PARD3B: variants seen among roughly 807,000 people sequenced by gnomAD.
PARD3B encodes partitioning defective 3 homolog B.
A neutral mutation model predicts 130.2 loss-of-function variants in PARD3B; 103 were observed. The observed-to-expected ratio is 0.79, with a 90% CI of 0.67 to 0.93. The LOEUF is 0.93. Among genes scored for constraint, PARD3B ranks in the 40% least tolerant of loss-of-function variants. The pLI is 0.00. For missense variants in PARD3B, 1,609 were observed against 1,499.2 expected (o/e 1.07, Z -1.21); for synonymous variants, 583 against 553.2 (o/e 1.05, Z -0.76).
intron 1 of PARD3B, among the ~76,000 whole-genome samples, chr2:204,556,836 T>C (rs1051404404): frequency 6.6e-6 from 1 of 152,210 alleles, no homozygotes; most frequent in African/African-American, 2.4e-5. Context: ...GTAGTATGTC[T>C]GTTAAGGCCT....
chr2:205,076,964 T>C (rs1463831474), intron 4 of PARD3B, among the ~76,000 whole-genome samples: 1 of 152,152 alleles, frequency 6.6e-6, no homozygotes, highest in East Asian at 1.9e-4. Flanking sequence ...GACTGCAGGA[T>C]CATTTTGGAA....
intron 2 of PARD3B, among the ~76,000 whole-genome samples, chr2:204,736,835 C>A (rs2039778312): frequency 6.6e-6 from 1 of 152,180 alleles, no homozygotes; most frequent in South Asian, 2.1e-4. Flanking sequence ...CTACTTTTAT[C>A]TCTTTAAGGA....
intron 19 of PARD3B, among the ~76,000 whole-genome samples, chr2:205,402,780 C>T (rs1288532756): frequency 1.3e-5 from 2 of 152,172 alleles, no homozygotes; most frequent in African/African-American, 4.8e-5. Flanking sequence ...CTATTAGCCT[C>T]CACTTAGGCC....
In PARD3B at chr2:205,121,528, G is replaced by A. The variant is rs1354141296; in HGVS notation, c.807-63G>A. 7.0e-6 allele frequency: 10 copies of A among 1,420,520 alleles called. No homozygotes were observed. Among genetic ancestry groups the A allele is most frequent in the Non-Finnish European group, 8.8e-6 (9 of 1,022,990 alleles). The allele number at this position is 1,420,520 out of a possible 1,614,324, so 88.0% of individuals were successfully genotyped here. A position where few individuals can be genotyped will look rare whatever the true frequency, so the allele number is the denominator to read the frequency against. On this transcript the variant is annotated intron_variant, in intron 7 of 22. Coordinates refer to ENST00000406610, the MANE Select transcript of PARD3B (RefSeq NM_001302769.2). This position sits in a 1 kb window ranked among gnomAD's most constrained non-coding sequence, Gnocchi z 5.0. Reference sequence around the variant, plus strand: ...TGCTCTTGGTTGCCATCCTCCTGGGGTACTTTAGAAGATGCTGCACCTCAA... The same window carrying A: ...TGCTCTTGGTTGCCATCCTCCTGGGATACTTTAGAAGATGCTGCACCTCAA...
chr2:204,834,788 C>A (rs2043968466), intron 2 of PARD3B, among the ~76,000 whole-genome samples: 1 of 152,182 alleles, frequency 6.6e-6, no homozygotes, highest in Non-Finnish European at 1.5e-5. Flanking sequence ...GTTTATTAAA[C>A]CAAAAGTGAT....
intron 2 of PARD3B, among the ~76,000 whole-genome samples, chr2:204,824,304 C>T (rs1009847564): frequency 6.6e-6 from 1 of 152,112 alleles, no homozygotes; most frequent in Admixed American, 6.6e-5. Context: ...ATCTTGGAGC[C>T]TCTGCACAGC....
At chr2:204,686,103 T>C in intron 1 of PARD3B, 78 bp from the exon 2 acceptor site, 1 of 970,816 alleles carries the variant, frequency 1.0e-6, no homozygotes, top group Non-Finnish European at 1.6e-6. Flanking sequence ...ACAAGTTAAC[T>C]TATGTCTCTT....
intron 1 of PARD3B, among the ~76,000 whole-genome samples, chr2:204,608,241 G>T (rs2033798926): frequency 6.6e-6 from 1 of 152,192 alleles, no homozygotes; most frequent in Non-Finnish European, 1.5e-5. Context: ...ACTAAATATT[G>T]TAAGGGGCAA....
At chr2:205,103,779 A>C in intron 4 of PARD3B, 1 of 979,596 alleles carries the variant, frequency 1.0e-6, no homozygotes, top group Non-Finnish European at 1.2e-6. Context: ...GGTAACATCC[A>C]ATACAACTTT....
At chr2:205,002,767 T>C (rs1694950830) in intron 3 of PARD3B, among the ~76,000 whole-genome samples, 1 of 152,192 alleles carries the variant, frequency 6.6e-6, no homozygotes, top group African/African-American at 2.4e-5. Flanking sequence ...CCCCTTTCAT[T>C]CAGAGGAAAA....
chr2:204,648,569 AATATATATT>A (rs1401750252), intron 1 of PARD3B, among the ~76,000 whole-genome samples: 3 of 130,288 alleles, frequency 2.3e-5, no homozygotes, highest in Admixed American at 9.2e-5. Flanking sequence ...TATAAATATA[AATATATATT>A]ATATATTATA....
chr2:204,614,399 G>C (rs1464979271), intron 1 of PARD3B, among the ~76,000 whole-genome samples: 1 of 151,986 alleles, frequency 6.6e-6, no homozygotes, highest in East Asian at 1.9e-4. Flanking sequence ...CAAGGGTTCA[G>C]GGGCCACATG....
At chr2:204,683,048 T>C (rs2036913624) in intron 1 of PARD3B, among the ~76,000 whole-genome samples, 1 of 152,198 alleles carries the variant, frequency 6.6e-6, no homozygotes, top group Non-Finnish European at 1.5e-5. Flanking sequence ...TGCTTTCCTT[T>C]TGCAATTCAT....
At position 204,787,523 on chromosome 2, in the gene PARD3B, C is replaced by T. The variant is rs186500392; in HGVS notation, c.222+101241C>T. 1.6e-4 allele frequency among the ~76,000 whole-genome samples: 24 copies of T among 152,266 alleles called. No homozygotes were observed. In the East Asian group the frequency reaches 3.5e-3, roughly 22 times the overall value. ...TTTTATCTAGTCATACTTGATCTCACCTCTTAGAAAACAGGATTTCTGGAG... is the reference window on the plus strand; with the variant it reads ...TTTTATCTAGTCATACTTGATCTCATCTCTTAGAAAACAGGATTTCTGGAG... On this transcript the variant is annotated intron_variant, in intron 2 of 22. Transcript: ENST00000406610.
chr2:204,568,776 G>A (rs1280426436), intron 1 of PARD3B, among the ~76,000 whole-genome samples: 1 of 152,038 alleles, frequency 6.6e-6, no homozygotes, highest in Non-Finnish European at 1.5e-5. Flanking sequence ...CCAATATGGT[G>A]AAACCCTGTC....
At chr2:204,937,152 C>A (rs1434592524) in intron 2 of PARD3B, among the ~76,000 whole-genome samples, 1 of 152,220 alleles carries the variant, frequency 6.6e-6, no homozygotes, top group Non-Finnish European at 1.5e-5. Context: ...GATGCCAGGA[C>A]CAGGGTAGAG....
At position 204,799,279 on chromosome 2, in the gene PARD3B, C is replaced by T. The variant is rs1380675295; in HGVS notation, c.222+112997C>T. On this transcript the variant is annotated intron_variant, in intron 2 of 22. Coordinates refer to ENST00000406610, the MANE Select transcript of PARD3B (RefSeq NM_001302769.2). This position sits in a 1 kb window ranked among gnomAD's most constrained non-coding sequence, Gnocchi z 4.1. Reference sequence around the variant, plus strand: ...TCGCTGGTGGCTGCAGGGAAACTCCCTCTGCATGAAGAAAGGACAGGGAAG... The same window carrying T: ...TCGCTGGTGGCTGCAGGGAAACTCCTTCTGCATGAAGAAAGGACAGGGAAG... Among the ~76,000 whole-genome samples the T allele has an allele frequency of 1.3e-5, 2 of 152,158 alleles. No homozygotes were observed. Among genetic ancestry groups the T allele is most frequent in the African/African-American group, 2.4e-5 (1 of 41,440 alleles).
intron 1 of PARD3B, among the ~76,000 whole-genome samples, chr2:204,609,936 A>G (rs767388679): frequency 2.6e-5 from 4 of 152,332 alleles, no homozygotes; most frequent in Non-Finnish European, 5.9e-5. Context: ...ATGAAAAAAT[A>G]TATGTCAAAT....
chr2:204,873,061 T>A (rs537011280), intron 2 of PARD3B, among the ~76,000 whole-genome samples: 1 of 152,320 alleles, frequency 6.6e-6, no homozygotes, highest in South Asian at 2.1e-4. Flanking sequence ...AAGATAAAGA[T>A]AATTATAATG....
Sources: allele counts gnomAD v4.1 joint callset (sites outside exome capture counted in the v4.1 genomes callset), GRCh38; gene constraint gnomAD v4.1.1; non-coding constraint Gnocchi (gnomAD v3.1); transcripts MANE v1.5; gene names NCBI Gene and HGNC (gene_info 2026-07-23, HGNC 2026-07-21).